The following CSMD1 variants were observed in gnomAD, a reference collection of about 807,000 sequenced individuals.
CSMD1 encodes the protein CUB and sushi domain-containing protein 1.
CSMD1 carries 213 observed loss-of-function variants against 417.5 expected under a neutral mutation model. That is an observed-to-expected ratio of 0.51 (90% CI 0.46 to 0.57). The LOEUF (loss-of-function observed/expected upper bound fraction) is 0.57, where lower values mean the gene tolerates loss of function less well. Ranked by LOEUF, CSMD1 falls within the 20% of genes least tolerant of loss-of-function variation. The pLI, the probability that CSMD1 is intolerant of heterozygous loss-of-function variation, is 0.00. For synonymous variants in CSMD1, 2,862 were observed against 1,736.8 expected (o/e 1.65, Z -16.11); for missense variants, 6,923 against 4,529.7 (o/e 1.53, Z -15.17).
intron 2 of CSMD1, among the ~76,000 whole-genome samples, chr8:4,525,626 G>C (rs193253340): frequency 6.6e-5 from 10 of 152,174 alleles, no homozygotes; most frequent in Admixed American, 6.5e-4. Context: ...AAAAGTAATA[G>C]CGGTTTTTGT....
At chr8:3,652,479 G>C (rs1465151380) in intron 7 of CSMD1, among the ~76,000 whole-genome samples, 1 of 152,202 alleles carries the variant, frequency 6.6e-6, no homozygotes, top group African/African-American at 2.4e-5. Flanking sequence ...AGACATACCT[G>C]AGACTGGGTA....
intron 12 of CSMD1, among the ~76,000 whole-genome samples, chr8:3,415,515 G>A (rs1471585285): frequency 6.6e-6 from 1 of 152,030 alleles, no homozygotes; most frequent in Non-Finnish European, 1.5e-5. Context: ...GCATCATCAC[G>A]CCCAGGTAAT....
chr8:4,385,045 G>C (rs952954014), intron 3 of CSMD1, among the ~76,000 whole-genome samples: 7 of 152,110 alleles, frequency 4.6e-5, no homozygotes, highest in Admixed American at 2.6e-4. Context: ...TCCTGCCTCA[G>C]CCTCCCGAAG....
At chr8:2,974,755 T>C (rs1045843094) in intron 55 of CSMD1, 131 bp from the exon 56 acceptor site, 8 of 536,792 alleles carry the variant, frequency 1.5e-5, no homozygotes, top group Admixed American at 4.1e-5. Flanking sequence ...CTGGTACTTA[T>C]GTAATTTGTG....
chr8:3,881,248 G>A (rs760784165), intron 5 of CSMD1, among the ~76,000 whole-genome samples: 1 of 100,314 alleles, frequency 1.0e-5, no homozygotes, highest in Non-Finnish European at 1.9e-5. Context: ...ACAGAGTTTT[G>A]TTTCTTTGTT....
intron 1 of CSMD1, among the ~76,000 whole-genome samples, chr8:4,861,010 C>T (rs1030784137): frequency 2.0e-5 from 3 of 152,088 alleles, no homozygotes; most frequent in African/African-American, 4.8e-5. Flanking sequence ...TATTGTAATA[C>T]ATATTCTAGG....
chr8:3,168,652 C>CACACACAG (rs1181909133), intron 37 of CSMD1, among the ~76,000 whole-genome samples: 1 of 151,462 alleles, frequency 6.6e-6, no homozygotes, highest in African/African-American at 2.4e-5. Context: ...CACACACACA[C>CACACACAG]AAATATATAT....
At chr8:3,669,121 A>T (rs928290867) in intron 7 of CSMD1, among the ~76,000 whole-genome samples, 1 of 152,242 alleles carries the variant, frequency 6.6e-6, no homozygotes, top group African/African-American at 2.4e-5. Context: ...AAATTAGTTA[A>T]TTATCCCTCA....
intron 1 of CSMD1, among the ~76,000 whole-genome samples, chr8:4,905,630 T>C (rs1001594762): frequency 4.0e-5 from 6 of 151,394 alleles, no homozygotes; most frequent in South Asian, 4.2e-4. Context: ...CCATCCTGGC[T>C]AACACGGTGA....
intron 11 of CSMD1, among the ~76,000 whole-genome samples, chr8:3,484,428 A>G (rs13439625): frequency 0.18 from 27,803 of 152,186 alleles, 2,750 homozygotes; most frequent in Middle Eastern, 0.26. Context: ...CCATATACAA[A>G]AACTAACTCA....
intron 5 of CSMD1, among the ~76,000 whole-genome samples, chr8:3,859,488 C>G (rs986673872): frequency 6.6e-6 from 1 of 152,178 alleles, no homozygotes; most frequent in Non-Finnish European, 1.5e-5. Flanking sequence ...GAATCTTTGC[C>G]ATACTTATAT....
intron 26 of CSMD1, among the ~76,000 whole-genome samples, chr8:3,283,803 C>T (rs188354093): frequency 2.0e-5 from 3 of 152,370 alleles, no homozygotes. Context: ...ATCTTTTCGT[C>T]CTCTAATCAT....
In CSMD1 at chr8:4,107,930, T is replaced by C. The variant is rs1585328192; in HGVS notation, c.416-75831A>G. Among the ~76,000 whole-genome samples, 11 of 152,192 alleles carry C rather than the reference T, an allele frequency of 7.2e-5. No homozygotes were observed. The South Asian group carries it at 2.3e-3, about 32-fold the overall frequency. ...AAACAAATAACATTTTCGTCAAAGT[T>C]TTGCCCCCTACGGACTGAAAACTGC... is the stretch of plus-strand genomic sequence containing the variant. On this transcript the variant is annotated intron_variant, in intron 3 of 69. Coordinates refer to ENST00000635120, the MANE Select transcript of CSMD1 (RefSeq NM_033225.6).
At chr8:4,366,691 T>C (rs1030878355) in intron 3 of CSMD1, among the ~76,000 whole-genome samples, 5 of 151,880 alleles carry the variant, frequency 3.3e-5, no homozygotes, top group African/African-American at 1.2e-4. Flanking sequence ...TGATGAGCGT[T>C]TTTTCTTTTT....
intron 1 of CSMD1, among the ~76,000 whole-genome samples, chr8:4,674,016 C>T (rs562530671): frequency 1.6e-4 from 24 of 152,228 alleles, no homozygotes; most frequent in Admixed American, 7.2e-4. Flanking sequence ...GCAAATCTTA[C>T]GGTATGAGAA....
At chr8:3,594,371 A>G (rs1207434820) in intron 8 of CSMD1, among the ~76,000 whole-genome samples, 1 of 152,176 alleles carries the variant, frequency 6.6e-6, no homozygotes, top group Non-Finnish European at 1.5e-5. Context: ...TATGCTGGAA[A>G]CTGAAATTTG....
intron 2 of CSMD1, among the ~76,000 whole-genome samples, chr8:4,626,509 G>A (rs940002511): frequency 1.1e-4 from 17 of 152,062 alleles, no homozygotes; most frequent in African/African-American, 2.9e-4. Flanking sequence ...TGAAAATCAC[G>A]TTGAGAGAAA....
At chr8:4,213,148 T>C (rs1563283245) in intron 3 of CSMD1, among the ~76,000 whole-genome samples, 1 of 152,162 alleles carries the variant, frequency 6.6e-6, no homozygotes, top group African/African-American at 2.4e-5. Context: ...GAAAATTTCT[T>C]ACTAGGATAT....
At chr8:3,248,280 C>G (rs1316125746) in intron 26 of CSMD1, among the ~76,000 whole-genome samples, 1 of 151,210 alleles carries the variant, frequency 6.6e-6, no homozygotes, top group East Asian at 1.9e-4. Context: ...CACGTTCAGC[C>G]TTATCCAGGA....
Sources: allele counts gnomAD v4.1 joint callset (sites outside exome capture counted in the v4.1 genomes callset), GRCh38; gene constraint gnomAD v4.1.1; transcripts MANE v1.5; gene names NCBI Gene and HGNC (gene_info 2026-07-23, HGNC 2026-07-21).